The following MEGF11 variants were observed in gnomAD, a reference collection of about 807,000 sequenced individuals.
MEGF11 encodes multiple epidermal growth factor-like domains protein 11.
Under a neutral mutation model 146.6 loss-of-function variants are expected in MEGF11, and 126 were observed. The observed-to-expected ratio is 0.86, with a 90% CI of 0.74 to 1.00. The LOEUF (loss-of-function observed/expected upper bound fraction) is 1.00. Ranked by LOEUF, MEGF11 falls within the 50% of genes least tolerant of loss-of-function variation. The probability of loss-of-function intolerance (pLI) is 0.00; values close to 1 mark genes in which losing one functional copy is unlikely to be tolerated. For missense variants in MEGF11, 1,509 were observed against 1,521.2 expected, an observed-to-expected ratio of 0.99 and a Z score of 0.13; for synonymous variants, 532 against 583.4, an observed-to-expected ratio of 0.91 and a Z score of 1.27.
At chr15:66,040,127 A>T (rs1185454753) in intron 5 of MEGF11, 1 of 155,010 alleles carries the variant, frequency 6.5e-6, no homozygotes, top group Non-Finnish European at 1.5e-5. Flanking sequence ...CTCACGTGGT[A>T]TCAGAGGGCT....
chr15:65,990,628 AAAAG>A (rs150430140), intron 5 of MEGF11, among the ~76,000 whole-genome samples: 42,869 of 148,528 alleles, frequency 0.29, 6,516 homozygotes, highest in East Asian at 0.6. Context: ...AGAAAAGAAA[AAAAG>A]AGAAAGGAAA....
At chr15:66,253,102 C>T (rs1483909913) in intron 1 of MEGF11, among the ~76,000 whole-genome samples, 1 of 152,250 alleles carries the variant, frequency 6.6e-6, no homozygotes, top group African/African-American at 2.4e-5. Context: ...GGGCGCATCG[C>T]CGGCCGCCGC....
chr15:65,973,428 A>C (rs1193329015), intron 7 of MEGF11, among the ~76,000 whole-genome samples: 1 of 152,220 alleles, frequency 6.6e-6, no homozygotes, highest in Non-Finnish European at 1.5e-5. Flanking sequence ...AATTAGTAAC[A>C]ATACACATGT....
intron 1 of MEGF11, among the ~76,000 whole-genome samples, chr15:66,243,135 G>A (rs1397808424): frequency 6.6e-6 from 1 of 152,172 alleles, no homozygotes; most frequent in Non-Finnish European, 1.5e-5. Context: ...GTGGCACTCT[G>A]GGCAAGGCAC....
chr15:65,902,349 A>T (rs1292402280), intron 24 of MEGF11: 1 of 152,512 alleles, frequency 6.6e-6, no homozygotes, highest in African/African-American at 2.4e-5. Context: ...AGGGGGAAGT[A>T]TCTTCCATAC....
intron 1 of MEGF11, among the ~76,000 whole-genome samples, chr15:66,193,239 C>T (rs2090926633): frequency 6.6e-6 from 1 of 152,126 alleles, no homozygotes. Context: ...GTGCTCACAT[C>T]CTCCCTCTAG....
chr15:65,955,739 TAA>T (rs1189666912), intron 10 of MEGF11, among the ~76,000 whole-genome samples: 105 of 9,698 alleles, frequency 0.011, no homozygotes, highest in Non-Finnish European at 0.014. Flanking sequence ...GTGAGACTCT[TAA>T]AAAAAAAAAA....
intron 1 of MEGF11, among the ~76,000 whole-genome samples, chr15:66,221,063 ACT>A (rs1340044266): frequency 6.6e-6 from 1 of 151,606 alleles, no homozygotes; most frequent in Admixed American, 6.6e-5. Context: ...GTACCCAAGA[ACT>A]CTCTACTATT....
intron 1 of MEGF11, among the ~76,000 whole-genome samples, chr15:66,191,318 G>C (rs1036263251): frequency 3.9e-5 from 6 of 152,176 alleles, no homozygotes; most frequent in Non-Finnish European, 7.3e-5. Context: ...AAAGCACAAA[G>C]GATTCGGCTT....
chr15:65,992,448 T>TG (rs1245633236), intron 5 of MEGF11, among the ~76,000 whole-genome samples: 1,336 of 27,966 alleles, frequency 0.048, 23 homozygotes, highest in Admixed American at 0.089. Context: ...TGTGTGTGTG[T>TG]GTGGGGGGGG....
intron 1 of MEGF11, among the ~76,000 whole-genome samples, chr15:66,128,805 C>T (rs2088512045): frequency 6.6e-6 from 1 of 152,150 alleles, no homozygotes; most frequent in Non-Finnish European, 1.5e-5. Flanking sequence ...ATTCCCTTAT[C>T]CCTCATCATT....
chr15:65,959,943 C>T (rs987599371), intron 9 of MEGF11, among the ~76,000 whole-genome samples: 7 of 152,168 alleles, frequency 4.6e-5, no homozygotes, highest in Non-Finnish European at 1.0e-4. Context: ...CACCTCTCAC[C>T]ACAGGGCATT....
At chr15:65,958,877 A>G (rs961265512) in intron 9 of MEGF11, among the ~76,000 whole-genome samples, 1 of 152,160 alleles carries the variant, frequency 6.6e-6, no homozygotes, top group Non-Finnish European at 1.5e-5. Flanking sequence ...CAAGCCTTTT[A>G]GATTCCTTGT....
intron 4 of MEGF11, among the ~76,000 whole-genome samples, chr15:66,115,564 G>C (rs1428483326): frequency 6.6e-6 from 1 of 152,026 alleles, no homozygotes; most frequent in South Asian, 2.1e-4. Flanking sequence ...CAGCACCTGA[G>C]ACACGCCCTT....
At chr15:65,912,897 A>C (rs907017434) in intron 20 of MEGF11, among the ~76,000 whole-genome samples, 8 of 152,340 alleles carry the variant, frequency 5.3e-5, no homozygotes, top group South Asian at 4.1e-4. Flanking sequence ...CACAAGATGC[A>C]GGAGGCTGCA....
intron 4 of MEGF11, among the ~76,000 whole-genome samples, chr15:66,118,375 C>CCACACT (rs2087840116): frequency 6.6e-6 from 1 of 152,210 alleles, no homozygotes; most frequent in South Asian, 2.1e-4. Context: ...CTCCACTGCA[C>CCACACT]CACACTGCTC....
intron 5 of MEGF11, among the ~76,000 whole-genome samples, chr15:66,088,446 G>A (rs1419052869): frequency 1.3e-5 from 2 of 152,210 alleles, no homozygotes; most frequent in African/African-American, 2.4e-5. Flanking sequence ...CAGGTCAGGA[G>A]TTCAAGGTCA....
intron 7 of MEGF11, among the ~76,000 whole-genome samples, chr15:65,974,033 G>A (rs922141506): frequency 6.6e-6 from 1 of 152,134 alleles, no homozygotes; most frequent in South Asian, 2.1e-4. Flanking sequence ...GCGCATACCC[G>A]ACAGTCATTT....
In MEGF11 at chr15:66,096,578, G is replaced by A. The variant is rs117896457; in HGVS notation, c.302-2084C>T. Among the ~76,000 whole-genome samples, 913 of 152,304 alleles carry A rather than the reference G, an allele frequency of 6.0e-3. 6 individuals carry two copies. The highest frequency in any genetic ancestry group is 9.7e-3 in the Admixed American group (149 of 15,302). Reference sequence around the variant, plus strand: ...CCGCCCACATGGCTCAGGGGCTGGCGGTGGGGCCGTTCCAGAGGGAACAGC... The same window carrying A: ...CCGCCCACATGGCTCAGGGGCTGGCAGTGGGGCCGTTCCAGAGGGAACAGC... On this transcript the variant is annotated intron_variant, in intron 4 of 25. Coordinates refer to ENST00000395614, the MANE Select transcript of MEGF11 (RefSeq NM_001385028.1).
Sources: gnomAD v4.1 joint callset for allele counts (sites outside exome capture counted in the v4.1 genomes callset) on GRCh38, gnomAD v4.1.1 for gene constraint, MANE v1.5 for transcripts, NCBI Gene and HGNC (gene_info 2026-07-23, HGNC 2026-07-21) for gene names.